PGBD5: variants seen among roughly 807,000 people sequenced by gnomAD.
PGBD5 encodes the protein piggyBac transposable element derived 5, also known as piggyBac transposable element-derived protein 5.
PGBD5 carries 14 observed loss-of-function variants against 47.9 expected under a neutral mutation model. The observed-to-expected ratio is 0.29, with a 90% CI of 0.19 to 0.46. PGBD5 has a LOEUF of 0.46. Among genes scored for constraint, PGBD5 ranks in the 20% least tolerant of loss-of-function variants. PGBD5 has a pLI of 1.00. For synonymous variants in PGBD5, 316 were observed against 306.3 expected (o/e 1.03, Z -0.33); for missense variants, 635 against 716.0 (o/e 0.89, Z 1.29).
chr1:230,325,955 C>T (rs1004912516), intron 5 of PGBD5, among the ~76,000 whole-genome samples: 2 of 152,094 alleles, frequency 1.3e-5, no homozygotes, highest in Non-Finnish European at 2.9e-5. Context: ...AGCACTAGAC[C>T]TCACTCCTCC....
At chr1:230,392,739 T>G (rs954575208) in intron 1 of PGBD5, among the ~76,000 whole-genome samples, 1 of 151,948 alleles carries the variant, frequency 6.6e-6, no homozygotes, top group South Asian at 2.1e-4. Context: ...GGCCCTGAGG[T>G]CCACCTCACA....
At chr1:230,335,896 C>A (rs1303922701) in intron 4 of PGBD5, among the ~76,000 whole-genome samples, 1 of 142,294 alleles carries the variant, frequency 7.0e-6, no homozygotes, top group Non-Finnish European at 1.6e-5. Flanking sequence ...GATGCATACA[C>A]GGACATACAG....
At chr1:230,424,036 T>C (rs1657716973) in intron 1 of PGBD5, among the ~76,000 whole-genome samples, 1 of 152,234 alleles carries the variant, frequency 6.6e-6, no homozygotes. Flanking sequence ...GGATTCTTTT[T>C]CATAACTAGG....
chr1:230,370,323 A>G (rs1355824853), intron 1 of PGBD5, among the ~76,000 whole-genome samples: 2 of 151,728 alleles, frequency 1.3e-5, no homozygotes, highest in Non-Finnish European at 2.9e-5. Flanking sequence ...AGCCGTGGGG[A>G]CTCTGCCCTT....
intron 1 of PGBD5, among the ~76,000 whole-genome samples, chr1:230,414,292 G>T (rs1304749595): frequency 6.6e-6 from 1 of 152,182 alleles, no homozygotes; most frequent in Non-Finnish European, 1.5e-5. Context: ...CTGACAGGCA[G>T]AACCAAAGAC....
At chr1:230,399,637 C>T (rs1657085354) in intron 1 of PGBD5, among the ~76,000 whole-genome samples, 1 of 152,136 alleles carries the variant, frequency 6.6e-6, no homozygotes, top group Non-Finnish European at 1.5e-5. Flanking sequence ...CAGTGCTGCT[C>T]CCACCGTCAC....
intron 2 of PGBD5, among the ~76,000 whole-genome samples, chr1:230,353,986 A>G (rs1450463830): frequency 1.3e-5 from 2 of 152,186 alleles, no homozygotes; most frequent in Non-Finnish European, 2.9e-5. Flanking sequence ...CTGGCAACCC[A>G]GGGAACAGCA....
intron 1 of PGBD5, among the ~76,000 whole-genome samples, chr1:230,405,341 T>A (rs1657276733): frequency 1.3e-5 from 2 of 152,152 alleles, no homozygotes; most frequent in South Asian, 4.2e-4. Flanking sequence ...TCCCTCCTCA[T>A]CCTTCTCTCC....
intron 1 of PGBD5, among the ~76,000 whole-genome samples, chr1:230,364,500 T>C (rs1372531129): frequency 6.6e-6 from 1 of 152,244 alleles, no homozygotes; most frequent in Non-Finnish European, 1.5e-5. Context: ...GTCGCATAAA[T>C]GTATCAAGCA....
At chr1:230,338,714 C>T (rs1667365459) in intron 3 of PGBD5, among the ~76,000 whole-genome samples, 1 of 152,084 alleles carries the variant, frequency 6.6e-6, no homozygotes, top group Non-Finnish European at 1.5e-5. Context: ...GCAGGAGAAT[C>T]GCTTGAACCC....
chr1:230,377,665 C>T (rs1342232105), intron 1 of PGBD5: 2 of 1,453,726 alleles, frequency 1.4e-6, no homozygotes, highest in Non-Finnish European at 1.8e-6. Context: ...TACATAATCC[C>T]ACACAGCCTT....
At chr1:230,403,255 C>A (rs1397638366) in intron 1 of PGBD5, among the ~76,000 whole-genome samples, 1 of 152,206 alleles carries the variant, frequency 6.6e-6, no homozygotes, top group Non-Finnish European at 1.5e-5. Context: ...ATGGGGATAA[C>A]AATACTTAAA....
chr1:230,424,099 G>A (rs1657717979), intron 1 of PGBD5, among the ~76,000 whole-genome samples: 7 of 152,204 alleles, frequency 4.6e-5, no homozygotes, highest in Admixed American at 4.6e-4. Context: ...GAGACTTGCT[G>A]TGCAGTCCCA....
chr1:230,404,089 G>C (rs1160735680), intron 1 of PGBD5, among the ~76,000 whole-genome samples: 5 of 152,202 alleles, frequency 3.3e-5, no homozygotes, highest in African/African-American at 1.2e-4. Context: ...GGAAAGAACA[G>C]AGTGGAAGAT....
chr1:230,425,923 G>T lies in PGBD5; in HGVS notation c.6C>A (p.Ala2=). ...TCCTCCGCGCGCCCCCGCCGCCCTCGGCCATGGCCCCGGCCGCCGCCCGCG... is the reference window on the plus strand; with the variant it reads ...TCCTCCGCGCGCCCCCGCCGCCCTCTGCCATGGCCCCGGCCGCCGCCCGCG... M[A]EGGGGARRRA... The change falls in exon 1 of 7, where the codon GCC becomes GCA. Residue 2 remains alanine (A), a synonymous_variant. Transcript: ENST00000391860. The surrounding 1 kb of genome is among the most constrained non-coding windows in gnomAD (Gnocchi z 4.7). 2.8e-6 allele frequency: 3 copies of T among 1,082,858 alleles called. No homozygotes were observed. Among genetic ancestry groups the T allele is most frequent in the South Asian group, 4.5e-5 (1 of 22,168 alleles). 67.1% of individuals were successfully genotyped at this position (1,082,858 alleles called of 1,614,324 possible).
intron 1 of PGBD5, among the ~76,000 whole-genome samples, chr1:230,407,759 A>G (rs1415571673): frequency 6.6e-6 from 1 of 152,166 alleles, no homozygotes; most frequent in Non-Finnish European, 1.5e-5. Flanking sequence ...CCATTGACAC[A>G]CTCCTAGTTT....
Position 230,357,658 on chromosome 1 carries a change from C to T in PGBD5, c.332-337G>A, listed in dbSNP as rs982251281. ...CCACACCAGACCGGAGGACAGCCCT[C>T]GGGGGGCGCAGTCACGTGGAATCCC... On this transcript the variant is annotated intron_variant, in intron 1 of 6. Transcript: ENST00000391860. The surrounding 1 kb of genome is among the most constrained non-coding windows in gnomAD (Gnocchi z 5.7). Among the ~76,000 whole-genome samples, 1 of 152,144 alleles carries T rather than the reference C, an allele frequency of 6.6e-6. No individual in the cohort carries two copies. The highest frequency in any genetic ancestry group is 2.4e-5 in the African/African-American group (1 of 41,424).
At chr1:230,368,838 G>T (rs183516251) in intron 1 of PGBD5, among the ~76,000 whole-genome samples, 2 of 152,222 alleles carry the variant, frequency 1.3e-5, no homozygotes, top group African/African-American at 4.8e-5. Flanking sequence ...TAGGGTGTGC[G>T]CTGGGCCCAG....
rs916505609 is a variant in PGBD5 at position 230,357,738 on chromosome 1, C to T, written c.332-417G>A. On this transcript the variant is annotated intron_variant, in intron 1 of 6. Coordinates refer to ENST00000391860, the MANE Select transcript of PGBD5 (RefSeq NM_001258311.2). This position sits in a 1 kb window ranked among gnomAD's most constrained non-coding sequence, Gnocchi z 5.7. ...GTCGGTCTAGGGAGTTTCACACACT[C>T]GGGGCACAAGCCGAGTCTTAACTAG... 2.0e-5 allele frequency among the ~76,000 whole-genome samples: 3 copies of T among 152,066 alleles called. No homozygotes were observed. The highest frequency in any genetic ancestry group is 1.3e-4 in the Admixed American group (2 of 15,266).
Sources: allele counts gnomAD v4.1 joint callset (sites outside exome capture counted in the v4.1 genomes callset), GRCh38; gene constraint gnomAD v4.1.1; non-coding constraint Gnocchi (gnomAD v3.1); transcripts MANE v1.5; gene names NCBI Gene and HGNC (gene_info 2026-07-23, HGNC 2026-07-21).